Variants in LRRC4C observed in about 807,000 individuals in gnomAD.
The protein encoded by LRRC4C is leucine-rich repeat-containing protein 4C.
A neutral mutation model predicts 33.6 loss-of-function variants in LRRC4C; 5 were observed. The observed-to-expected ratio is 0.15, with a 90% CI of 0.08 to 0.31. LRRC4C has a LOEUF of 0.31. Among genes scored for constraint, LRRC4C ranks in the 10% least tolerant of loss-of-function variants. The probability of loss-of-function intolerance (pLI) is 1.00; values close to 1 mark genes in which losing one functional copy is unlikely to be tolerated. For missense variants in LRRC4C, 560 were observed against 796.7 expected (o/e 0.70, Z 3.58); for synonymous variants, 329 against 302.0 (o/e 1.09, Z -0.93).
intron 2 of LRRC4C, among the ~76,000 whole-genome samples, chr11:40,897,939 T>A (rs10219334): frequency 6.6e-6 from 1 of 152,250 alleles, no homozygotes; most frequent in African/African-American, 2.4e-5. Context: ...GAATATATTT[T>A]GCTTGTTCCC....
chr11:40,684,956 ACTC>A (rs1188041369), intron 2 of LRRC4C, among the ~76,000 whole-genome samples: 1 of 152,042 alleles, frequency 6.6e-6, no homozygotes, highest in African/African-American at 2.4e-5. Context: ...TTGTATAAAA[ACTC>A]CTGCATTCTT....
At chr11:40,631,698 A>T (rs749408843) in intron 3 of LRRC4C, among the ~76,000 whole-genome samples, 1 of 152,122 alleles carries the variant, frequency 6.6e-6, no homozygotes, top group Non-Finnish European at 1.5e-5. Context: ...TTAAAAAAAA[A>T]TGTTGCTTGG....
At chr11:40,243,470 G>T (rs967084274) in intron 4 of LRRC4C, among the ~76,000 whole-genome samples, 1 of 152,168 alleles carries the variant, frequency 6.6e-6, no homozygotes, top group East Asian at 1.9e-4. Flanking sequence ...TACAAAAGAA[G>T]AAGTGATATG....
At position 40,218,575 on chromosome 11, in the gene LRRC4C, AATCTATGT is replaced by A. The variant is rs1565148274; in HGVS notation, c.-96+22936_-96+22943del. 3.6e-4 allele frequency among the ~76,000 whole-genome samples: 50 copies of A among 138,742 alleles called. 1 individual carries two copies. In the South Asian group the frequency reaches 0.012, roughly 33 times the overall value. 91.0% of individuals were successfully genotyped at this position (138,742 alleles called of 152,430 possible). On this transcript the variant is annotated intron_variant, in intron 5 of 6. Transcript: ENST00000528697. ...CTAAATTGTGAAACTTGAGATGAAGAATCTATGTATGTATGTATGTATGTATGTATGTA... is the reference window on the plus strand; with the variant it reads ...CTAAATTGTGAAACTTGAGATGAAGAATGTATGTATGTATGTATGTATGTA...
At chr11:40,663,776 G>T (rs1218599268) in intron 2 of LRRC4C, among the ~76,000 whole-genome samples, 1 of 152,136 alleles carries the variant, frequency 6.6e-6, no homozygotes, top group African/African-American at 2.4e-5. Context: ...CAAAATAGAT[G>T]AAATTAAAAA....
At chr11:41,017,471 A>T (rs1179736336) in intron 1 of LRRC4C, among the ~76,000 whole-genome samples, 1 of 152,194 alleles carries the variant, frequency 6.6e-6, no homozygotes, top group Non-Finnish European at 1.5e-5. Flanking sequence ...CCACGGAAAG[A>T]GGATAGTATT....
chr11:40,501,042 C>T (rs1954741075), intron 3 of LRRC4C, among the ~76,000 whole-genome samples: 1 of 152,176 alleles, frequency 6.6e-6, no homozygotes, highest in Admixed American at 6.5e-5. Context: ...GCTACAGACC[C>T]CATGCAAGTC....
chr11:40,933,322 T>C (rs941746266), intron 2 of LRRC4C, among the ~76,000 whole-genome samples: 3 of 152,242 alleles, frequency 2.0e-5, no homozygotes, highest in Non-Finnish European at 4.4e-5. Context: ...CACAGGTGTG[T>C]GCAGCAACCC....
chr11:41,221,147 C>T (rs1161410580), intron 1 of LRRC4C, among the ~76,000 whole-genome samples: 1 of 152,054 alleles, frequency 6.6e-6, no homozygotes. Flanking sequence ...TCCGACCCTC[C>T]ACCTTCCGAA....
intron 2 of LRRC4C, among the ~76,000 whole-genome samples, chr11:40,666,664 T>A (rs1369669797): frequency 2.0e-5 from 3 of 152,158 alleles, no homozygotes; most frequent in Non-Finnish European, 4.4e-5. Context: ...AAATTGATAT[T>A]TTCCTAAATA....
chr11:41,248,705 CA>C (rs60297957), intron 1 of LRRC4C, among the ~76,000 whole-genome samples: 20,685 of 152,096 alleles, frequency 0.14, 1,540 homozygotes, highest in Middle Eastern at 0.25. Context: ...TGCTGATGAC[CA>C]AATTTACATC....
At chr11:40,801,302 G>A (rs192551729) in intron 2 of LRRC4C, among the ~76,000 whole-genome samples, 1 of 152,002 alleles carries the variant, frequency 6.6e-6, no homozygotes, top group South Asian at 2.1e-4. Flanking sequence ...CCTCCAGCTG[G>A]TGTGCCCTTC....
intron 3 of LRRC4C, among the ~76,000 whole-genome samples, chr11:40,330,105 G>A (rs921840458): frequency 6.6e-6 from 1 of 152,114 alleles, no homozygotes; most frequent in Non-Finnish European, 1.5e-5. Context: ...CCAGTCGGGT[G>A]TTAAATTAAT....
chr11:40,898,954 A>G (rs1385424649), intron 2 of LRRC4C, among the ~76,000 whole-genome samples: 1 of 152,184 alleles, frequency 6.6e-6, no homozygotes, highest in East Asian at 1.9e-4. Flanking sequence ...AGATACATAC[A>G]TTAAAATTGA....
chr11:40,707,639 G>T (rs1009723067), intron 2 of LRRC4C, among the ~76,000 whole-genome samples: 1 of 151,736 alleles, frequency 6.6e-6, no homozygotes, highest in Admixed American at 6.6e-5. Flanking sequence ...TTTTTGCATC[G>T]ATGTTCATCA....
intron 2 of LRRC4C, among the ~76,000 whole-genome samples, chr11:40,916,587 A>C (rs911488067): frequency 1.3e-5 from 2 of 152,186 alleles, no homozygotes; most frequent in Non-Finnish European, 2.9e-5. Context: ...TAGGAGATAT[A>C]TCTAATGTTA....
At chr11:41,441,864 T>C (rs1955630371) in intron 1 of LRRC4C, among the ~76,000 whole-genome samples, 1 of 152,172 alleles carries the variant, frequency 6.6e-6, no homozygotes, top group African/African-American at 2.4e-5. Flanking sequence ...TTACTATTAC[T>C]TATAGCCAAG....
intron 2 of LRRC4C, among the ~76,000 whole-genome samples, chr11:40,742,293 A>C (rs572247076): frequency 6.6e-6 from 1 of 152,180 alleles, no homozygotes; most frequent in South Asian, 2.1e-4. Context: ...GAACAGGATT[A>C]GTTCTTCTTG....
chr11:40,783,769 A>G (rs556866915), intron 2 of LRRC4C, among the ~76,000 whole-genome samples: 1 of 152,216 alleles, frequency 6.6e-6, no homozygotes, highest in Non-Finnish European at 1.5e-5. Context: ...TATGGAGAAC[A>G]TAAGTGTCAA....
Sources: allele counts gnomAD v4.1 joint callset (sites outside exome capture counted in the v4.1 genomes callset), GRCh38; gene constraint gnomAD v4.1.1; transcripts MANE v1.5; gene names NCBI Gene and HGNC (gene_info 2026-07-23, HGNC 2026-07-21).